The following ZNRF3 variants were observed in gnomAD, a reference collection of about 807,000 sequenced individuals.
The protein encoded by ZNRF3 is zinc and ring finger 3.
Under a neutral mutation model 72.5 loss-of-function variants are expected in ZNRF3, and 23 were observed. The observed-to-expected ratio is 0.32, with a 90% CI of 0.23 to 0.45. ZNRF3 has a LOEUF of 0.45. ZNRF3 is among the 20% of genes least tolerant of loss of function. ZNRF3 has a pLI of 1.00. For missense variants in ZNRF3, 1,169 were observed against 1,272.1 expected (o/e 0.92, Z 1.23); for synonymous variants, 610 against 545.3 (o/e 1.12, Z -1.65).
intron 1 of ZNRF3, among the ~76,000 whole-genome samples, chr22:28,921,574 A>G (rs2034514156): frequency 6.6e-6 from 1 of 152,090 alleles, no homozygotes; most frequent in Non-Finnish European, 1.5e-5. Flanking sequence ...CTGCCTCCGA[A>G]CCTGAAACAA....
Position 28,932,336 on chromosome 22 carries a change from G to A in ZNRF3, c.300+48270G>A, listed in dbSNP as rs992057873. 3.3e-5 allele frequency among the ~76,000 whole-genome samples: 5 copies of A among 152,280 alleles called. No individual in the cohort carries two copies. In the East Asian group the frequency reaches 5.8e-4, roughly 18 times the overall value. Reference sequence around the variant, plus strand: ...TAAAAAAAAAAATCTTAACTTTGTTGAGTAAGAATGTAACTGGTTGCCTCT... The same window carrying A: ...TAAAAAAAAAAATCTTAACTTTGTTAAGTAAGAATGTAACTGGTTGCCTCT... On this transcript the variant is annotated intron_variant, in intron 1 of 8. Transcript: ENST00000544604.
chr22:29,013,679 C>T (rs2036384002), intron 2 of ZNRF3, among the ~76,000 whole-genome samples: 1 of 152,200 alleles, frequency 6.6e-6, no homozygotes, highest in Non-Finnish European at 1.5e-5. Flanking sequence ...TGTCAACTTG[C>T]ACTTGTACCT....
At chr22:28,919,848 G>A (rs1489015137) in intron 1 of ZNRF3, among the ~76,000 whole-genome samples, 10 of 152,060 alleles carry the variant, frequency 6.6e-5, no homozygotes, top group African/African-American at 2.2e-4. Flanking sequence ...AAGCGATGAG[G>A]GGGTGAAATT....
Position 29,046,872 on chromosome 22 carries a change from A to G in ZNRF3, c.901A>G (p.Ile301Val). Reference sequence around the variant, plus strand: ...CTGTGCCATCTGTCTGGAGAAGTACATTGATGGAGAGGTAATGGCAGAAGC... The same window carrying G: ...CTGTGCCATCTGTCTGGAGAAGTACGTTGATGGAGAGGTAATGGCAGAAGC... Reference protein sequence around the residue: ...SDCAICLEKYIDGEELRVIPC... With the variant: ...SDCAICLEKYVDGEELRVIPC... Residue 301 changes from isoleucine to valine, a missense_variant, in exon 6 of 9, where the codon ATT becomes GTT. By Grantham distance (29) the Ile-to-Val change is conservative (BLOSUM62 3). Coordinates refer to ENST00000544604, the MANE Select transcript of ZNRF3 (RefSeq NM_001206998.2). 3.8e-6 allele frequency: 6 copies of G among 1,582,460 alleles called. No individual in the cohort carries two copies. Among genetic ancestry groups the G allele is most frequent in the African/African-American group, 1.3e-5 (1 of 74,320 alleles).
At chr22:28,940,242 G>T (rs16986852) in intron 1 of ZNRF3, among the ~76,000 whole-genome samples, 543 of 152,298 alleles carry the variant, frequency 3.6e-3, no homozygotes, top group Non-Finnish European at 6.0e-3. Flanking sequence ...TTGAAGACAA[G>T]GCTAAATGAA....
At chr22:29,020,257 T>G (rs2036508716) in intron 2 of ZNRF3, among the ~76,000 whole-genome samples, 1 of 134,860 alleles carries the variant, frequency 7.4e-6, no homozygotes, top group African/African-American at 2.6e-5. Flanking sequence ...TCCTTTTTTT[T>G]TTTTTTTTTT....
chr22:28,991,216 A>G (rs555872698), intron 2 of ZNRF3, among the ~76,000 whole-genome samples: 1 of 132,880 alleles, frequency 7.5e-6, no homozygotes, highest in East Asian at 2.5e-4. Context: ...CAGGAGGTCA[A>G]GGCTGCAGCG....
Position 29,049,581 on chromosome 22 carries a change from C to G in ZNRF3, c.1400C>G (p.Thr467Ser), listed in dbSNP as rs2123887361. The G allele has an allele frequency of 1.9e-6, 3 of 1,607,358 alleles. No individual in the cohort carries two copies. The highest frequency in any genetic ancestry group is 1.3e-5 in the African/African-American group (1 of 75,008). Reference protein sequence around the residue: ...SKAACFSQYETMYQHYYFQGL... With the variant: ...SKAACFSQYESMYQHYYFQGL... ...GCAGCTTGCTTCTCCCAGTATGAGA[C>G]CATGTACCAGCACTACTACTTCCAG... The change falls in exon 8 of 9, where the codon ACC becomes AGC. Residue 467 changes from threonine (T) to serine (S), a missense_variant. Physicochemically the swap from Thr to Ser is moderately conservative, Grantham distance 58 (BLOSUM62 1). This residue lies in a region of ZNRF3 where 783 missense variants were observed against 731.4 expected (regional missense o/e 1.07). Coordinates refer to ENST00000544604, the MANE Select transcript of ZNRF3 (RefSeq NM_001206998.2). The surrounding 1 kb of genome is among the most constrained non-coding windows in gnomAD (Gnocchi z 5.2).
At chr22:29,009,797 T>C (rs2036317593) in intron 2 of ZNRF3, among the ~76,000 whole-genome samples, 1 of 152,084 alleles carries the variant, frequency 6.6e-6, no homozygotes, top group Admixed American at 6.6e-5. Flanking sequence ...GGTAACTATA[T>C]ACATCATATA....
In ZNRF3 at chr22:28,885,590, TAAAA is replaced by T. The variant is rs34201242; in HGVS notation, c.300+1545_300+1548del. Reference sequence around the variant, plus strand: ...TAGAAATGTTTGATTTACAGCCTTCTAAAAAAAAAAAAAAAAAAAAAAAAGACGC... The same window carrying T: ...TAGAAATGTTTGATTTACAGCCTTCTAAAAAAAAAAAAAAAAAAAAGACGC... On this transcript the variant is annotated intron_variant, in intron 1 of 8. Transcript: ENST00000544604. 2.7e-3 allele frequency among the ~76,000 whole-genome samples: 280 copies of T among 102,748 alleles called. 1 individual carries two copies. Among genetic ancestry groups the T allele is most frequent in the African/African-American group, 9.4e-3 (269 of 28,692 alleles). 67.4% of individuals were successfully genotyped at this position (102,748 alleles called of 152,430 possible). A position where few individuals can be genotyped will look rare whatever the true frequency, so the allele number is the denominator to read the frequency against.
At chr22:28,888,976 G>T (rs2033839224) in intron 1 of ZNRF3, among the ~76,000 whole-genome samples, 1 of 152,184 alleles carries the variant, frequency 6.6e-6, no homozygotes, top group South Asian at 2.1e-4. Context: ...TTAGCCAGGT[G>T]TGGTGGCACA....
At chr22:29,007,362 C>T (rs2036270966) in intron 2 of ZNRF3, among the ~76,000 whole-genome samples, 1 of 152,220 alleles carries the variant, frequency 6.6e-6, no homozygotes, top group Non-Finnish European at 1.5e-5. Context: ...TCACGTCATG[C>T]ACGGTGGCTC....
chr22:28,998,495 T>G (rs2036085632), intron 2 of ZNRF3, among the ~76,000 whole-genome samples: 1 of 152,126 alleles, frequency 6.6e-6, no homozygotes, highest in Non-Finnish European at 1.5e-5. Context: ...CTCCTACATT[T>G]GATTAAAACC....
chr22:28,986,697 C>T (rs2035860013), intron 1 of ZNRF3: 2 of 956,896 alleles, frequency 2.1e-6, no homozygotes, highest in South Asian at 9.7e-5. Flanking sequence ...TGGATACTAA[C>T]ATAGCTAGTC....
intron 2 of ZNRF3, among the ~76,000 whole-genome samples, chr22:29,009,555 G>T (rs553004732): frequency 1.3e-5 from 2 of 152,158 alleles, no homozygotes; most frequent in Non-Finnish European, 2.9e-5. Flanking sequence ...CCATGATATT[G>T]CTGTGTATTA....
intron 1 of ZNRF3, among the ~76,000 whole-genome samples, chr22:28,937,786 A>G (rs1569253037): frequency 6.6e-6 from 1 of 152,226 alleles, no homozygotes; most frequent in Non-Finnish European, 1.5e-5. Context: ...TTAGGGTATA[A>G]TGAATATATT....
chr22:28,957,137 GTT>G (rs2035275933), intron 1 of ZNRF3, among the ~76,000 whole-genome samples: 1 of 152,184 alleles, frequency 6.6e-6, no homozygotes. Context: ...CAACCCTTAA[GTT>G]TTATGGTTTC....
intron 1 of ZNRF3, among the ~76,000 whole-genome samples, chr22:28,920,440 T>G (rs1420079572): frequency 6.7e-6 from 1 of 150,032 alleles, no homozygotes; most frequent in Non-Finnish European, 1.5e-5. Flanking sequence ...CCAGCTAATT[T>G]TTGTATTTTT....
intron 1 of ZNRF3, among the ~76,000 whole-genome samples, chr22:28,969,736 A>G (rs995953085): frequency 2.6e-5 from 4 of 152,116 alleles, no homozygotes; most frequent in African/African-American, 9.7e-5. Context: ...TTTTAACAGG[A>G]TTGCTCTGGC....
Sources: allele counts gnomAD v4.1 joint callset (sites outside exome capture counted in the v4.1 genomes callset), GRCh38; gene constraint gnomAD v4.1.1; regional missense constraint gnomAD v4.1.1; non-coding constraint Gnocchi (gnomAD v3.1); transcripts MANE v1.5; gene names NCBI Gene and HGNC (gene_info 2026-07-23, HGNC 2026-07-21).